Variants in FAM177A1 observed in about 807,000 individuals in gnomAD.
FAM177A1 encodes family with sequence similarity 177 member A1.
A neutral mutation model predicts 26.1 loss-of-function variants in FAM177A1; 22 were observed. The observed-to-expected ratio is 0.84, with a 90% CI of 0.60 to 1.20. FAM177A1 has a LOEUF of 1.20. Ranked by LOEUF, FAM177A1 falls within the 50% of genes most tolerant of loss-of-function variation. FAM177A1 has a pLI of 0.00. For missense variants in FAM177A1, 296 were observed against 291.1 expected, an observed-to-expected ratio of 1.02 and a Z score of -0.12; for synonymous variants, 95 against 99.3, an observed-to-expected ratio of 0.96 and a Z score of 0.26.
chr14:35,064,047 C>CAA (rs575915029), intron 2 of FAM177A1, among the ~76,000 whole-genome samples: 161 of 79,236 alleles, frequency 2.0e-3, no homozygotes, highest in African/African-American at 6.2e-3. Context: ...GACTCTGTCT[C>CAA]AAAAAAAAAA....
chr14:35,062,535 T>G (rs1310079523), intron 2 of FAM177A1, among the ~76,000 whole-genome samples: 1 of 152,166 alleles, frequency 6.6e-6, no homozygotes, highest in Non-Finnish European at 1.5e-5. Flanking sequence ...TAACTTTCAT[T>G]GTAGTTAAAG....
intron 1 of FAM177A1, chr14:35,046,932 T>C: frequency 8.6e-7 from 1 of 1,165,636 alleles, no homozygotes; most frequent in Non-Finnish European, 1.1e-6. Flanking sequence ...CCAAAGGCTG[T>C]CCTTGCAGTA....
intron 2 of FAM177A1, among the ~76,000 whole-genome samples, chr14:35,061,958 C>T (rs1382524523): frequency 1.3e-5 from 2 of 151,864 alleles, no homozygotes; most frequent in East Asian, 3.9e-4. Flanking sequence ...ACCACACTTA[C>T]CTGGAAATTG....
Position 35,083,130 on chromosome 14 carries a change from G to A in FAM177A1, c.*1902G>A, listed in dbSNP as rs142383819. The A allele has an allele frequency of 3.3e-5, 5 of 152,636 alleles. No individual in the cohort carries two copies. The highest frequency in any genetic ancestry group is 7.2e-5 in the African/African-American group (3 of 41,542). The allele number at this position is 152,636 out of a possible 1,614,324, so 9.5% of individuals were successfully genotyped here. A position where few individuals can be genotyped will look rare whatever the true frequency, so the allele number is the denominator to read the frequency against. On this transcript the variant is annotated 3_prime_UTR_variant, in exon 5 of 5. Coordinates refer to ENST00000280987, the MANE Select transcript of FAM177A1 (RefSeq NM_173607.5). Reference sequence around the variant, plus strand: ...TCACAGATATTTATTTGGTTATCAAGTGAAGATAGGTGTGTCTAAAAGTGA... The same window carrying A: ...TCACAGATATTTATTTGGTTATCAAATGAAGATAGGTGTGTCTAAAAGTGA...
At chr14:35,073,468 G>T (rs1270498008) in intron 2 of FAM177A1, among the ~76,000 whole-genome samples, 1 of 152,224 alleles carries the variant, frequency 6.6e-6, no homozygotes, top group Non-Finnish European at 1.5e-5. Context: ...CTGAACTAGA[G>T]ATGTTGTGTT....
intron 2 of FAM177A1, among the ~76,000 whole-genome samples, chr14:35,065,291 A>T (rs1393848078): frequency 6.6e-6 from 1 of 151,166 alleles, no homozygotes; most frequent in Non-Finnish European, 1.5e-5. Flanking sequence ...TATTAATAGA[A>T]TACATTATGG....
At chr14:35,053,648 T>C (rs2045013374) in intron 2 of FAM177A1, among the ~76,000 whole-genome samples, 197 bp downstream of exon 2, 1 of 152,206 alleles carries the variant, frequency 6.6e-6, no homozygotes. Context: ...TTCAGTAGCC[T>C]GAAACAGCTT....
chr14:35,056,407 G>T (rs1344565556), intron 2 of FAM177A1, among the ~76,000 whole-genome samples: 1 of 149,100 alleles, frequency 6.7e-6, no homozygotes, highest in African/African-American at 2.4e-5. Context: ...CCAGGCTAGA[G>T]TGCGGTGGTA....
chr14:35,049,905 A>G (rs776767344), intron 1 of FAM177A1: 9 of 152,214 alleles, frequency 5.9e-5, no homozygotes, highest in Non-Finnish European at 7.3e-5. Context: ...TTATGAAACT[A>G]TCTTTCAGAT....
chr14:35,071,699 T>G (rs1260767657), intron 2 of FAM177A1, among the ~76,000 whole-genome samples: 7 of 152,218 alleles, frequency 4.6e-5, no homozygotes, highest in Admixed American at 3.3e-4. Context: ...TAGTCATAGC[T>G]TGGATATTAT....
At chr14:35,047,003 G>T (rs2044878631) in intron 1 of FAM177A1, 2 of 1,039,424 alleles carry the variant, frequency 1.9e-6, no homozygotes, top group Non-Finnish European at 1.2e-6. Context: ...GCGAGCGCCT[G>T]CCTGGGCATC....
At chr14:35,062,608 A>G (rs2138544284) in intron 2 of FAM177A1, among the ~76,000 whole-genome samples, 1 of 152,200 alleles carries the variant, frequency 6.6e-6, no homozygotes, top group African/African-American at 2.4e-5. Flanking sequence ...TTTAAAGATT[A>G]AATGAGATAA....
chr14:35,056,998 G>A (rs1398187801), intron 2 of FAM177A1, among the ~76,000 whole-genome samples: 1 of 151,976 alleles, frequency 6.6e-6, no homozygotes, highest in Non-Finnish European at 1.5e-5. Context: ...GGTCTTTCAC[G>A]AGAACCACCT....
Position 35,046,476 on chromosome 14 carries a change from T to C in FAM177A1, c.13T>C (p.Leu5=), listed in dbSNP as rs746335490. 131 of 1,589,954 alleles carry C rather than the reference T, an allele frequency of 8.2e-5. No homozygotes were observed. Among genetic ancestry groups the C allele is most frequent in the Middle Eastern group, 2.3e-4 (1 of 4,442 alleles). The part of the protein sequence containing the change: MEVG[L]PAITLFLTSA... ...GGGGAGACCAAGGATGGAAGTGGGCTTACCGGCCATTACCCTCTTTCTCAC... is the reference window on the plus strand; with the variant it reads ...GGGGAGACCAAGGATGGAAGTGGGCCTACCGGCCATTACCCTCTTTCTCAC... Residue 5 remains leucine (L), a synonymous_variant, in exon 1 of 5, where the codon TTA becomes CTA. Coordinates refer to ENST00000280987, the MANE Select transcript of FAM177A1 (RefSeq NM_173607.5).
In FAM177A1 at chr14:35,046,310, C is replaced by CGGGCT; in HGVS notation, c.-153_-149dup. ...CCAGCTCTCGGGGTGCGGAGCCCGG[C>CGGGCT]GGGCTAGGCGAGGCGCGGGCTGGCC... On this transcript the variant is annotated 5_prime_UTR_variant, in exon 1 of 5. Coordinates refer to ENST00000280987, the MANE Select transcript of FAM177A1 (RefSeq NM_173607.5). The CGGGCT allele has an allele frequency of 2.3e-6, 2 of 873,604 alleles. No homozygotes were observed. Among genetic ancestry groups the CGGGCT allele is most frequent in the Non-Finnish European group, 3.2e-6 (2 of 623,916 alleles). The allele number at this position is 873,604 out of a possible 1,614,324, so 54.1% of individuals were successfully genotyped here.
rs1336465620 is a variant in FAM177A1, at chr14:35,081,056, A to C, written c.539A>C (p.Glu180Ala). ...GAAGAAGAAGAAAACAGGATGTCTG[A>C]AGAAGCAGAAAAACAATATCAACAG... Reference protein sequence around the residue: ...EEEEEENRMSEEAEKQYQQNK... With the variant: ...EEEEEENRMSAEAEKQYQQNK... The change falls in exon 5 of 5, where the codon GAA becomes GCA. Residue 180 changes from glutamate (E) to alanine (A), a missense_variant. By Grantham distance (107) the Glu-to-Ala change is moderately radical. Coordinates refer to ENST00000280987, the MANE Select transcript of FAM177A1 (RefSeq NM_173607.5). The C allele has an allele frequency of 6.2e-7, 1 of 1,612,126 alleles. No homozygotes were observed. The highest frequency in any genetic ancestry group is 8.5e-7 in the Non-Finnish European group (1 of 1,179,322).
At position 35,053,411 on chromosome 14, in the gene FAM177A1, A is replaced by G. The variant is rs201771239; in HGVS notation, c.299A>G (p.Asp100Gly). ...TATAGCACAGATGAAGACGAAGTTG[A>G]TGGCCTGGAGAAGAAAGATGTTTTG... ...EEYSTDEDEV[D>G]GLEKKDVLPT... is the part of the protein sequence containing the mutation. Residue 100 changes from aspartate (D) to glycine (G), a missense_variant, in exon 2 of 5, where the codon GAT becomes GGT. Asp to Gly is a moderately conservative substitution (Grantham distance 94). Transcript: ENST00000280987. 6.2e-7 allele frequency: 1 copy of G among 1,614,134 alleles called. No individual in the cohort carries two copies. Among genetic ancestry groups the G allele is most frequent in the Non-Finnish European group, 8.5e-7 (1 of 1,180,014 alleles).
At position 35,070,245 on chromosome 14, in the gene FAM177A1, C is replaced by T. The variant is rs941675833; in HGVS notation, c.340-6905C>T. Among the ~76,000 whole-genome samples, 3 of 150,868 alleles carry T rather than the reference C, an allele frequency of 2.0e-5. No individual in the cohort carries two copies. In the Admixed American group the frequency reaches 2.0e-4, roughly 10 times the overall value. On this transcript the variant is annotated intron_variant, in intron 2 of 4. Coordinates refer to ENST00000280987, the MANE Select transcript of FAM177A1 (RefSeq NM_173607.5). Reference sequence around the variant, plus strand: ...AGGTACATGTTGGCCAGGATGATCTCGATCTCCTGACCTCGTGATCCACCC... The same window carrying T: ...AGGTACATGTTGGCCAGGATGATCTTGATCTCCTGACCTCGTGATCCACCC...
chr14:35,078,011 G>T (rs2045424223), intron 3 of FAM177A1, among the ~76,000 whole-genome samples: 2 of 152,050 alleles, frequency 1.3e-5, no homozygotes, highest in African/African-American at 4.8e-5. Context: ...TAAAATATAG[G>T]TTTTAAATTA....
Sources: allele counts gnomAD v4.1 joint callset (sites outside exome capture counted in the v4.1 genomes callset), GRCh38; gene constraint gnomAD v4.1.1; transcripts MANE v1.5; gene names NCBI Gene and HGNC (gene_info 2026-07-23, HGNC 2026-07-21).